The following CTNND2 variants were observed in gnomAD, a reference collection of about 807,000 sequenced individuals.
The protein encoded by CTNND2 is catenin delta 2, also known as catenin delta-2.
Under a neutral mutation model 144.4 loss-of-function variants are expected in CTNND2, and 22 were observed. The observed-to-expected ratio is 0.15, with a 90% CI of 0.11 to 0.22. CTNND2 has a LOEUF of 0.22. CTNND2 is among the 10% of genes least tolerant of loss of function. The pLI is 1.00. For missense variants in CTNND2, 1,353 were observed against 1,618.8 expected, an observed-to-expected ratio of 0.84 and a Z score of 2.82; for synonymous variants, 751 against 695.6, an observed-to-expected ratio of 1.08 and a Z score of -1.25.
intron 3 of CTNND2, among the ~76,000 whole-genome samples, chr5:11,445,119 C>CT (rs770576736): frequency 2.0e-5 from 3 of 152,224 alleles, no homozygotes; most frequent in East Asian, 3.9e-4. Context: ...CTGGCAGGAC[C>CT]ATGCTCTTTC....
chr5:10,985,097 AATAAATAAATAAATAC>A (rs1737773460), intron 20 of CTNND2, among the ~76,000 whole-genome samples: 2 of 151,788 alleles, frequency 1.3e-5, no homozygotes, highest in South Asian at 4.2e-4. Context: ...TAAATAAATA[AATAAATAAATAAATAC>A]ATAAATAAAT....
intron 9 of CTNND2, among the ~76,000 whole-genome samples, chr5:11,337,234 C>T (rs6869392): frequency 0.29 from 43,762 of 152,028 alleles, 6,528 homozygotes; most frequent in Middle Eastern, 0.35. Context: ...TTAGATTTCA[C>T]AACTTCCTCT....
intron 9 of CTNND2, among the ~76,000 whole-genome samples, chr5:11,267,313 C>A (rs1233532294): frequency 6.6e-6 from 1 of 152,156 alleles, no homozygotes; most frequent in Non-Finnish European, 1.5e-5. Context: ...GGTGATTTGG[C>A]AATTGGGCTA....
chr5:11,303,627 CA>C (rs1461698494), intron 9 of CTNND2, among the ~76,000 whole-genome samples: 1 of 152,204 alleles, frequency 6.6e-6, no homozygotes, highest in Non-Finnish European at 1.5e-5. Context: ...ATTCCTTCTT[CA>C]TTCAGGAAGA....
Position 11,356,832 on chromosome 5 carries a change from C to CA in CTNND2, c.1372+7863dup, listed in dbSNP as rs1002684532. 1.2e-3 allele frequency among the ~76,000 whole-genome samples: 168 copies of CA among 139,048 alleles called. 1 individual carries two copies. The highest frequency in any genetic ancestry group is 2.8e-3 in the African/African-American group (107 of 38,014). The allele number at this position is 139,048 out of a possible 152,430, so 91.2% of individuals were successfully genotyped here. A position where few individuals can be genotyped will look rare whatever the true frequency, so the allele number is the denominator to read the frequency against. ...ATAAGAAACTGCAACAACTCAACAGCAAAAAAAAAAAAGTTCCGATTTTAA... is the reference window on the plus strand; with the variant it reads ...ATAAGAAACTGCAACAACTCAACAGCAAAAAAAAAAAAAGTTCCGATTTTAA... On this transcript the variant is annotated intron_variant, in intron 8 of 21. Coordinates refer to ENST00000304623, the MANE Select transcript of CTNND2 (RefSeq NM_001332.4).
intron 10 of CTNND2, among the ~76,000 whole-genome samples, chr5:11,221,198 G>A (rs538209993): frequency 1.3e-5 from 2 of 152,308 alleles, no homozygotes; most frequent in South Asian, 4.1e-4. Context: ...GCATCTAATA[G>A]GAAGACACAG....
intron 9 of CTNND2, among the ~76,000 whole-genome samples, chr5:11,328,695 C>A (rs1383354630): frequency 6.6e-6 from 1 of 150,466 alleles, no homozygotes; most frequent in Admixed American, 6.6e-5. Flanking sequence ...TCAGGGGCTA[C>A]CATACTCCCA....
intron 9 of CTNND2, among the ~76,000 whole-genome samples, chr5:11,269,749 C>A (rs1745804290): frequency 6.6e-6 from 1 of 152,066 alleles, no homozygotes; most frequent in Non-Finnish European, 1.5e-5. Context: ...TACTTTGGAC[C>A]CCTGCAGAAT....
intron 1 of CTNND2, among the ~76,000 whole-genome samples, chr5:11,749,464 G>C (rs1423273420): frequency 6.6e-6 from 1 of 151,974 alleles, no homozygotes; most frequent in Non-Finnish European, 1.5e-5. Context: ...CAGAGATTCT[G>C]CTCCATCCCC....
intron 2 of CTNND2, among the ~76,000 whole-genome samples, chr5:11,664,632 A>G (rs936308382): frequency 7.9e-5 from 12 of 152,182 alleles, no homozygotes; most frequent in Non-Finnish European, 1.5e-4. Flanking sequence ...AAACTCATGA[A>G]AGTACCAAAA....
At chr5:11,467,905 CT>C (rs1399757482) in intron 3 of CTNND2, among the ~76,000 whole-genome samples, 1 of 152,138 alleles carries the variant, frequency 6.6e-6, no homozygotes, top group Non-Finnish European at 1.5e-5. Flanking sequence ...AACTTTCTGC[CT>C]TTAAATTTAG....
intron 10 of CTNND2, among the ~76,000 whole-genome samples, chr5:11,217,643 G>A (rs1739333648): frequency 6.6e-6 from 1 of 152,154 alleles, no homozygotes; most frequent in Non-Finnish European, 1.5e-5. Context: ...CCCTTTTTAT[G>A]TCTGTATTTG....
chr5:11,662,170 T>C (rs1783264530), intron 2 of CTNND2, among the ~76,000 whole-genome samples: 1 of 146,018 alleles, frequency 6.8e-6, no homozygotes, highest in Non-Finnish European at 1.5e-5. Context: ...TATATATGTG[T>C]ATATATACAT....
At chr5:11,515,142 ATGGGAGGTGCT>A (rs550056543) in intron 3 of CTNND2, among the ~76,000 whole-genome samples, 116 of 151,550 alleles carry the variant, frequency 7.7e-4, no homozygotes, top group African/African-American at 2.6e-3. Flanking sequence ...TTCCTAATGA[ATGGGAGGTGCT>A]TTTCTCTGCA....
chr5:11,823,934 C>T (rs568585908), intron 1 of CTNND2, among the ~76,000 whole-genome samples: 4 of 151,896 alleles, frequency 2.6e-5, no homozygotes, highest in East Asian at 1.9e-4. Context: ...ATGGTGAAAC[C>T]GTGTCTCTAC....
chr5:11,603,425 C>G (rs1260964366), intron 2 of CTNND2, among the ~76,000 whole-genome samples: 1 of 152,132 alleles, frequency 6.6e-6, no homozygotes, highest in Non-Finnish European at 1.5e-5. Context: ...GCTGGTGTCA[C>G]CGTCAGGACC....
chr5:11,781,243 G>C (rs1179230301), intron 1 of CTNND2, among the ~76,000 whole-genome samples: 2 of 151,830 alleles, frequency 1.3e-5, no homozygotes, highest in Non-Finnish European at 2.9e-5. Flanking sequence ...GTGTTAGGTG[G>C]AACCAAGATT....
intron 1 of CTNND2, among the ~76,000 whole-genome samples, chr5:11,770,032 T>A (rs1252510043): frequency 6.6e-6 from 1 of 152,230 alleles, no homozygotes; most frequent in African/African-American, 2.4e-5. Context: ...GAATTCAAAA[T>A]GGCTGATGAA....
intron 1 of CTNND2, among the ~76,000 whole-genome samples, chr5:11,835,732 T>C (rs1794143918): frequency 6.6e-6 from 1 of 152,226 alleles, no homozygotes; most frequent in South Asian, 2.1e-4. Flanking sequence ...GACTGTCAAT[T>C]TTATTGATCA....
Sources: gnomAD v4.1 joint callset for allele counts (sites outside exome capture counted in the v4.1 genomes callset) on GRCh38, gnomAD v4.1.1 for gene constraint, MANE v1.5 for transcripts, NCBI Gene and HGNC (gene_info 2026-07-23, HGNC 2026-07-21) for gene names.